The following WWOX variants were observed in gnomAD, a reference collection of about 807,000 sequenced individuals.
WWOX encodes the protein WW domain-containing oxidoreductase.
A neutral mutation model predicts 46.2 loss-of-function variants in WWOX; 69 were observed. The ratio of observed to expected loss-of-function variants is 1.49; its 90% CI spans 1.23 to 1.82. WWOX has a LOEUF of 1.82. Ranked by LOEUF, WWOX falls within the 40% of genes most tolerant of loss-of-function variation. The probability of loss-of-function intolerance (pLI) is 0.00; values close to 1 mark genes in which losing one functional copy is unlikely to be tolerated. For synonymous variants in WWOX, 359 were observed against 202.6 expected (o/e 1.77, Z -6.56); for missense variants, 919 against 542.6 (o/e 1.69, Z -6.89).
chr16:78,667,521 A>T (rs943801515), intron 8 of WWOX, among the ~76,000 whole-genome samples: 9 of 151,914 alleles, frequency 5.9e-5, no homozygotes, highest in Admixed American at 3.9e-4. Flanking sequence ...AGTACAAAAA[A>T]TTAGCCAGGC....
At chr16:78,176,501 G>T (rs1162953764) in intron 5 of WWOX, among the ~76,000 whole-genome samples, 1 of 152,188 alleles carries the variant, frequency 6.6e-6, no homozygotes, top group Non-Finnish European at 1.5e-5. Flanking sequence ...GATTCTAATT[G>T]TTCCGACTAC....
At chr16:78,689,678 T>A (rs556057398) in intron 8 of WWOX, among the ~76,000 whole-genome samples, 1 of 152,296 alleles carries the variant, frequency 6.6e-6, no homozygotes, top group East Asian at 1.9e-4. Flanking sequence ...TTGCATCCAC[T>A]GACCCTCCCA....
rs2047981522 is a variant in WWOX at position 78,691,270 on chromosome 16, A to G, written c.1056+258518A>G. The G allele has an allele frequency of 1.7e-5, 12 of 702,224 alleles. No homozygotes were observed. The East Asian group carries it at 3.2e-4, about 19-fold the overall frequency. The allele number at this position is 702,224 out of a possible 1,614,324, so 43.5% of individuals were successfully genotyped here. The stretch of plus-strand genomic sequence containing the variant: ...TCAGACTGCCTGGTAGAAGGAGGTC[A>G]CTTCTGATTGTCAGTGACTTTGGTG... On this transcript the variant is annotated intron_variant, in intron 8 of 8. Coordinates refer to ENST00000566780, the MANE Select transcript of WWOX (RefSeq NM_016373.4).
intron 8 of WWOX, among the ~76,000 whole-genome samples, chr16:78,793,917 A>G (rs1325234926): frequency 6.6e-6 from 1 of 152,154 alleles, no homozygotes; most frequent in Non-Finnish European, 1.5e-5. Flanking sequence ...TTGAAAAAAA[A>G]AAGTGAAATT....
At chr16:79,188,738 C>G (rs1228126711) in intron 8 of WWOX, among the ~76,000 whole-genome samples, 1 of 152,204 alleles carries the variant, frequency 6.6e-6, no homozygotes, top group East Asian at 1.9e-4. Context: ...CGAATTGCCA[C>G]CTTTATTTCC....
intron 8 of WWOX, among the ~76,000 whole-genome samples, chr16:78,972,679 C>G (rs1231097502): frequency 6.6e-6 from 1 of 152,146 alleles, no homozygotes; most frequent in Non-Finnish European, 1.5e-5. Context: ...TTTTTCTTTC[C>G]CTTCCAGCTC....
At chr16:79,102,564 A>G (rs1334389847) in intron 8 of WWOX, among the ~76,000 whole-genome samples, 1 of 152,206 alleles carries the variant, frequency 6.6e-6, no homozygotes, top group Non-Finnish European at 1.5e-5. Context: ...CATACTTTGA[A>G]GCTCAATATA....
intron 5 of WWOX, among the ~76,000 whole-genome samples, chr16:78,225,177 C>A (rs1394253953): frequency 6.6e-6 from 1 of 152,128 alleles, no homozygotes; most frequent in Admixed American, 6.5e-5. Flanking sequence ...ATAGCCTCTT[C>A]CTCCAGGGCT....
At chr16:78,213,250 C>CA (rs3041524) in intron 5 of WWOX, among the ~76,000 whole-genome samples, 18,108 of 96,870 alleles carry the variant, frequency 0.19, 1,657 homozygotes, top group East Asian at 0.39. Context: ...GACTGTATCT[C>CA]AAAAAAAAAA....
chr16:78,739,278 A>G (rs1009971733), intron 8 of WWOX, among the ~76,000 whole-genome samples: 1 of 152,202 alleles, frequency 6.6e-6, no homozygotes, highest in Admixed American at 6.5e-5. Flanking sequence ...GTGCTTGTTC[A>G]GCTTGGTCAA....
intron 8 of WWOX, among the ~76,000 whole-genome samples, chr16:78,621,636 G>C (rs1158119530): frequency 1.9e-5 from 1 of 52,260 alleles, no homozygotes; most frequent in African/African-American, 7.7e-5. Flanking sequence ...ACAGAGTCTT[G>C]CTCTGTTGTC....
intron 8 of WWOX, among the ~76,000 whole-genome samples, chr16:78,571,838 C>G (rs1263774004): frequency 6.6e-6 from 1 of 152,060 alleles, no homozygotes; most frequent in African/African-American, 2.4e-5. Context: ...TATACTCTAG[C>G]CTGGGCAACA....
At chr16:78,752,030 GAC>G (rs1239117029) in intron 8 of WWOX, among the ~76,000 whole-genome samples, 1 of 151,920 alleles carries the variant, frequency 6.6e-6, no homozygotes, top group Non-Finnish European at 1.5e-5. Context: ...TGAGGAGAGA[GAC>G]GACACAAAAT....
chr16:79,130,080 T>C (rs965288639), intron 8 of WWOX, among the ~76,000 whole-genome samples: 4 of 152,230 alleles, frequency 2.6e-5, no homozygotes, highest in African/African-American at 4.8e-5. Context: ...CCGTGTAAGG[T>C]TGCCATTTTT....
intron 8 of WWOX, among the ~76,000 whole-genome samples, chr16:78,558,696 G>C (rs1177191054): frequency 6.6e-6 from 1 of 152,220 alleles, no homozygotes; most frequent in African/African-American, 2.4e-5. Context: ...AATTCACTGA[G>C]CTGGCCTCTG....
intron 6 of WWOX, among the ~76,000 whole-genome samples, chr16:78,422,746 TACACATATATACAC>T (rs1567563446): frequency 1.7e-4 from 18 of 103,578 alleles, no homozygotes; most frequent in African/African-American, 1.2e-3. Flanking sequence ...CACATATATA[TACACATATATACAC>T]ATATATATAC....
chr16:79,152,122 G>C (rs1347990798), intron 8 of WWOX, among the ~76,000 whole-genome samples: 1 of 152,180 alleles, frequency 6.6e-6, no homozygotes, highest in Non-Finnish European at 1.5e-5. Context: ...TTTTCCTGTA[G>C]AGTAAAAGAT....
intron 8 of WWOX, among the ~76,000 whole-genome samples, chr16:79,033,136 T>G (rs1242494053): frequency 1.4e-5 from 2 of 147,958 alleles, no homozygotes; most frequent in East Asian, 3.9e-4. Context: ...TTCCACGGTG[T>G]AGATGTAATA....
chr16:78,585,528 G>C lies in WWOX; in HGVS notation c.1056+152776G>C, dbSNP rs115666558. Reference sequence around the variant, plus strand: ...TTAGCAAACCCCAGGATCCCCAGAGGGTCCCTCGGTATTGTGGTTTTCTCC... The same window carrying C: ...TTAGCAAACCCCAGGATCCCCAGAGCGTCCCTCGGTATTGTGGTTTTCTCC... On this transcript the variant is annotated intron_variant, in intron 8 of 8. Coordinates refer to ENST00000566780, the MANE Select transcript of WWOX (RefSeq NM_016373.4). 5.9e-3 allele frequency among the ~76,000 whole-genome samples: 903 copies of C among 152,140 alleles called. 10 individuals carry two copies. Among genetic ancestry groups the C allele is most frequent in the African/African-American group, 0.021 (860 of 41,488 alleles).
Sources: allele counts gnomAD v4.1 joint callset (sites outside exome capture counted in the v4.1 genomes callset), GRCh38; gene constraint gnomAD v4.1.1; transcripts MANE v1.5; gene names NCBI Gene and HGNC (gene_info 2026-07-23, HGNC 2026-07-21).